Variants in PIAS2 observed in about 807,000 individuals in gnomAD.
PIAS2 encodes the protein E3 SUMO-protein ligase PIAS2.
PIAS2 carries 19 observed loss-of-function variants against 69.7 expected under a neutral mutation model. The observed-to-expected ratio is 0.27, with a 90% CI of 0.19 to 0.40. The LOEUF (loss-of-function observed/expected upper bound fraction) is 0.40, where lower values mean the gene tolerates loss of function less well. Ranked by LOEUF, PIAS2 falls within the 10% of genes least tolerant of loss-of-function variation. The pLI, the probability that PIAS2 is intolerant of heterozygous loss-of-function variation, is 1.00. For synonymous variants in PIAS2, 261 were observed against 263.2 expected (o/e 0.99, Z 0.08); for missense variants, 624 against 757.0 (o/e 0.82, Z 2.06).
intron 2 of PIAS2, among the ~76,000 whole-genome samples, chr18:46,877,946 A>G (rs1406508646): frequency 6.6e-6 from 1 of 152,234 alleles, no homozygotes; most frequent in Non-Finnish European, 1.5e-5. Context: ...AAATGAAATA[A>G]TGCCACAATT....
chr18:46,879,386 A>AT, intron 2 of PIAS2, among the ~76,000 whole-genome samples: 1 of 110 alleles, frequency 9.1e-3, no homozygotes, highest in Admixed American at 0.25. Flanking sequence ...TGGTCACTAT[A>AT]AAAAAAAATA....
At chr18:46,833,461 A>G (rs1170292164) in intron 9 of PIAS2, among the ~76,000 whole-genome samples, 6 of 152,202 alleles carry the variant, frequency 3.9e-5, no homozygotes, top group Admixed American at 3.9e-4. Flanking sequence ...TGGGATAATG[A>G]TTTCATAGGT....
At chr18:46,859,020 C>T (rs1210420535) in intron 3 of PIAS2, among the ~76,000 whole-genome samples, 3 of 152,086 alleles carry the variant, frequency 2.0e-5, no homozygotes, top group African/African-American at 4.8e-5. Context: ...GGCATACGGA[C>T]CTAAGTGGTT....
rs1230027894 is a variant in PIAS2, at chr18:46,807,632, G to C, written c.*4801C>G. On this transcript the variant is annotated 3_prime_UTR_variant, in exon 14 of 14. Coordinates refer to ENST00000585916, the MANE Select transcript of PIAS2 (RefSeq NM_004671.5). ...GGCTGGTCTCCAACTCCTGACTTCA[G>C]ATTATCTGCCCGCCTTGGCCTCCCA... 7 of 151,786 alleles carry C rather than the reference G, an allele frequency of 4.6e-5. No homozygotes were observed. Among genetic ancestry groups the C allele is most frequent in the African/African-American group, 9.7e-5 (4 of 41,232 alleles). 9.4% of individuals were successfully genotyped at this position (151,786 alleles called of 1,614,324 possible).
intron 10 of PIAS2, among the ~76,000 whole-genome samples, chr18:46,828,734 T>A (rs575122885): frequency 8.8e-4 from 134 of 152,352 alleles, no homozygotes; most frequent in African/African-American, 3.0e-3. Context: ...AATTATCTGC[T>A]AATCACGTAG....
chr18:46,888,740 CCTATGAGAAT>C (rs1236190260), intron 2 of PIAS2, among the ~76,000 whole-genome samples: 1 of 152,140 alleles, frequency 6.6e-6, no homozygotes, highest in Non-Finnish European at 1.5e-5. Context: ...GGTTCCTGCA[CCTATGAGAAT>C]CTAATGCCAC....
intron 1 of PIAS2, among the ~76,000 whole-genome samples, chr18:46,892,913 T>C (rs4442910): frequency 0.53 from 80,276 of 152,098 alleles, 21,448 homozygotes; most frequent in Middle Eastern, 0.56. Flanking sequence ...GGATTTTTTT[T>C]ATACTAAGTC....
chr18:46,851,264 T>C (rs1040770813), intron 5 of PIAS2, among the ~76,000 whole-genome samples: 12 of 152,238 alleles, frequency 7.9e-5, no homozygotes, highest in Admixed American at 2.6e-4. Flanking sequence ...ACTTGGAGAT[T>C]GCTGCCAGCT....
chr18:46,864,257 A>G lies in PIAS2; in HGVS notation c.500-9T>C, dbSNP rs77002622. ...CTGAATACTGCTTTGAACTGGGAAG[A>G]AAAAAAAAAAGAAAGATAATATTTC... On this transcript the variant is annotated splice_polypyrimidine_tract_variant and intron_variant, in intron 2 of 13. Coordinates refer to ENST00000585916, the MANE Select transcript of PIAS2 (RefSeq NM_004671.5). 1.1e-6 allele frequency: 1 copy of G among 937,856 alleles called. No homozygotes were observed. The allele number at this position is 937,856 out of a possible 1,614,324, so 58.1% of individuals were successfully genotyped here.
intron 1 of PIAS2, among the ~76,000 whole-genome samples, chr18:46,891,878 T>C (rs994524515): frequency 2.0e-5 from 3 of 152,138 alleles, no homozygotes; most frequent in African/African-American, 7.2e-5. Flanking sequence ...TTTTAACCCC[T>C]TGCAGCCTCA....
rs2040733982 is a variant in PIAS2, at chr18:46,807,338, C to G, written c.*5095G>C. 1.0e-5 allele frequency: 1 copy of G among 98,886 alleles called. No individual in the cohort carries two copies. The highest frequency in any genetic ancestry group is 1.2e-4 in the Admixed American group (1 of 8,016). 6.1% of individuals were successfully genotyped at this position (98,886 alleles called of 1,614,324 possible). A position where few individuals can be genotyped will look rare whatever the true frequency, so the allele number is the denominator to read the frequency against. ...CTTGGATAGCCATACGTAGGTGTTT[C>G]TGAAACATGTCAGATTTTATATATA... On this transcript the variant is annotated 3_prime_UTR_variant, in exon 14 of 14. Coordinates refer to ENST00000585916, the MANE Select transcript of PIAS2 (RefSeq NM_004671.5).
chr18:46,906,629 AGAT>A (rs1288617200), intron 1 of PIAS2, among the ~76,000 whole-genome samples: 13 of 152,300 alleles, frequency 8.5e-5, no homozygotes, highest in Admixed American at 5.2e-4. Flanking sequence ...CTTTATTGAA[AGAT>A]GTTGTAAAAA....
intron 1 of PIAS2, chr18:46,893,621 C>T (rs1184479530): frequency 2.5e-5 from 4 of 162,902 alleles, no homozygotes; most frequent in Non-Finnish European, 5.1e-5. Context: ...GCAGATGGGA[C>T]AGTCTTTGCA....
At chr18:46,817,267 G>A (rs547820257) in intron 12 of PIAS2, 45 of 984,256 alleles carry the variant, frequency 4.6e-5, no homozygotes, top group Middle Eastern at 5.2e-4. Flanking sequence ...CAATGGTGTT[G>A]GAATATTGTG....
chr18:46,855,765 T>C, intron 3 of PIAS2, 150 bp from the exon 4 acceptor site: 2 of 657,036 alleles, frequency 3.0e-6, no homozygotes, highest in Non-Finnish European at 5.3e-6. Flanking sequence ...TAAGCCTTAA[T>C]GAAATCACTG....
chr18:46,917,443 C>T lies in PIAS2; in HGVS notation c.-98G>A, dbSNP rs2058111233. The T allele has an allele frequency of 7.9e-7, 1 of 1,266,014 alleles. No homozygotes were observed. The highest frequency in any genetic ancestry group is 1.0e-6 in the Non-Finnish European group (1 of 1,002,822). 78.4% of individuals were successfully genotyped at this position (1,266,014 alleles called of 1,614,324 possible). A position where few individuals can be genotyped will look rare whatever the true frequency, so the allele number is the denominator to read the frequency against. On this transcript the variant is annotated 5_prime_UTR_variant, in exon 1 of 14. It adds an upstream start codon to the 5' untranslated region. Transcript: ENST00000585916. ...ACCACGGCCGCCGCCGCCTCCAGCACCATCCTGCACTGGGCGCCGCTTAAG... is the reference window on the plus strand; with the variant it reads ...ACCACGGCCGCCGCCGCCTCCAGCATCATCCTGCACTGGGCGCCGCTTAAG...
intron 5 of PIAS2, chr18:46,853,903 G>A (rs2047355122): frequency 1.3e-5 from 2 of 152,280 alleles, no homozygotes; most frequent in Admixed American, 1.3e-4. Context: ...TATGGGCCAT[G>A]TAAGCAATCC....
At chr18:46,916,275 C>T (rs905939059) in intron 1 of PIAS2, among the ~76,000 whole-genome samples, 1 of 151,994 alleles carries the variant, frequency 6.6e-6, no homozygotes, top group Non-Finnish European at 1.5e-5. Context: ...AATAAATATA[C>T]AAAACTGAAC....
intron 2 of PIAS2, among the ~76,000 whole-genome samples, chr18:46,883,076 C>A (rs138034257): frequency 7.5e-5 from 11 of 146,936 alleles, no homozygotes; most frequent in Non-Finnish European, 1.6e-4. Flanking sequence ...GCAGCCTGGG[C>A]GACAGAGGGA....
Sources: allele counts gnomAD v4.1 joint callset (sites outside exome capture counted in the v4.1 genomes callset), GRCh38; gene constraint gnomAD v4.1.1; transcripts MANE v1.5; gene names NCBI Gene and HGNC (gene_info 2026-07-23, HGNC 2026-07-21).